Variants in BIRC6 observed in about 807,000 individuals in gnomAD.
The protein encoded by BIRC6 is baculoviral IAP repeat containing 6.
A neutral mutation model predicts 503.3 loss-of-function variants in BIRC6; 98 were observed. The observed-to-expected ratio is 0.19, with a 90% confidence interval of 0.17 to 0.23. BIRC6 has a LOEUF of 0.23. Ranked by LOEUF, BIRC6 falls within the 10% of genes least tolerant of loss-of-function variation. The pLI, the probability that BIRC6 is intolerant of heterozygous loss-of-function variation, is 1.00. For missense variants in BIRC6, 5,360 were observed against 5,806.0 expected, an observed-to-expected ratio of 0.92 and a Z score of 2.50; for synonymous variants, 2,240 against 2,078.7, an observed-to-expected ratio of 1.08 and a Z score of -2.11.
intron 10 of BIRC6, among the ~76,000 whole-genome samples, chr2:32,424,250 AAT>A (rs201393862): frequency 1.3e-5 from 2 of 151,438 alleles, no homozygotes; most frequent in African/African-American, 4.9e-5. Context: ...TATATATATG[AAT>A]ATATATATAT....
At chr2:32,380,738 AG>A (rs1402063240) in intron 3 of BIRC6, among the ~76,000 whole-genome samples, 1 of 152,138 alleles carries the variant, frequency 6.6e-6, no homozygotes, top group Non-Finnish European at 1.5e-5. Context: ...CCAAAAAAAA[AG>A]AAAAAAGTTG....
At position 32,473,255 on chromosome 2, in the gene BIRC6, T is replaced by G. The variant is rs1324514473; in HGVS notation, c.6720+16T>G. 3 of 1,501,568 alleles carry G rather than the reference T, an allele frequency of 2.0e-6. No homozygotes were observed. The Admixed American group carries it at 7.2e-5, about 36-fold the overall frequency. 93.0% of individuals were successfully genotyped at this position (1,501,568 alleles called of 1,614,324 possible). A position where few individuals can be genotyped will look rare whatever the true frequency, so the allele number is the denominator to read the frequency against. On this transcript the variant is annotated intron_variant, in intron 33 of 73. Coordinates refer to ENST00000421745, the MANE Select transcript of BIRC6 (RefSeq NM_016252.4). ...TCATAAACAGGTAATTGTCAATATA[T>G]TTAAAAATTTTTAATGTTTGAGAAT...
intron 1 of BIRC6, among the ~76,000 whole-genome samples, chr2:32,364,593 T>G (rs185402586): frequency 2.6e-5 from 4 of 152,224 alleles, no homozygotes; most frequent in Admixed American, 2.6e-4. Flanking sequence ...TTGTATCTTT[T>G]TTCTTTTCCT....
chr2:32,586,262 CAACTT>C (rs1559109319), intron 66 of BIRC6, among the ~76,000 whole-genome samples: 1 of 148,720 alleles, frequency 6.7e-6, no homozygotes, highest in Non-Finnish European at 1.5e-5. Context: ...AAAAAAAAAA[CAACTT>C]AAAAAAAAAT....
At chr2:32,413,680 T>C (rs1273777836) in intron 9 of BIRC6, among the ~76,000 whole-genome samples, 1 of 150,676 alleles carries the variant, frequency 6.6e-6, no homozygotes, top group Non-Finnish European at 1.5e-5. Flanking sequence ...AAGCTCATCT[T>C]AGATTTGATT....
chr2:32,450,704 C>T (rs149700416), intron 22 of BIRC6, among the ~76,000 whole-genome samples: 2 of 152,142 alleles, frequency 1.3e-5, no homozygotes, highest in Admixed American at 6.5e-5. Flanking sequence ...GAATTGGTTC[C>T]AGGACTCCTC....
chr2:32,552,438 A>G (rs114637937), intron 65 of BIRC6, among the ~76,000 whole-genome samples: 2,497 of 152,310 alleles, frequency 0.016, 52 homozygotes, highest in African/African-American at 0.058. Flanking sequence ...AGGATCAACA[A>G]TAATTGCACA....
intron 1 of BIRC6, among the ~76,000 whole-genome samples, chr2:32,373,982 T>C (rs1056614715): frequency 6.6e-6 from 1 of 152,198 alleles, no homozygotes; most frequent in African/African-American, 2.4e-5. Flanking sequence ...CTTCCATTCA[T>C]GTGAGATATT....
intron 9 of BIRC6, among the ~76,000 whole-genome samples, chr2:32,409,782 A>T (rs2041648678): frequency 6.6e-6 from 1 of 152,176 alleles, no homozygotes; most frequent in Non-Finnish European, 1.5e-5. Flanking sequence ...TTGTCTGAAG[A>T]ATATTATGCT....
Position 32,453,885 on chromosome 2 carries a change from C to G in BIRC6, c.4696C>G (p.Leu1566Val). The G allele has an allele frequency of 6.2e-7, 1 of 1,613,586 alleles. No homozygotes were observed. Among genetic ancestry groups the G allele is most frequent in the Non-Finnish European group, 8.5e-7 (1 of 1,179,604 alleles). The change falls in exon 23 of 74, where the codon CTG becomes GTG. Residue 1566 changes from leucine (L) to valine (V), a missense_variant. Physicochemically the swap from Leu to Val is conservative, Grantham distance 32. Around this residue, in one of 16 missense-constraint regions of BIRC6, gnomAD observed 2,299 missense variants for 2,267.2 expected, o/e 1.01. Coordinates refer to ENST00000421745, the MANE Select transcript of BIRC6 (RefSeq NM_016252.4). ...SLTGLLEVEP[L>V]HFTCVSTSDG... Reference sequence around the variant, plus strand: ...CACTGGACTTTTGGAAGTTGAACCTCTGCACTTTACTTGTGTGTCAACTAG... The same window carrying G: ...CACTGGACTTTTGGAAGTTGAACCTGTGCACTTTACTTGTGTGTCAACTAG...
At chr2:32,537,016 T>A (rs1178755590) in intron 61 of BIRC6, among the ~76,000 whole-genome samples, 1 of 152,304 alleles carries the variant, frequency 6.6e-6, no homozygotes, top group East Asian at 1.9e-4. Flanking sequence ...TTATTCTCTT[T>A]GAAGCAATTG....
Position 32,607,562 on chromosome 2 carries a change from A to T in BIRC6, c.14178A>T (p.Glu4726Asp). 6.2e-7 allele frequency: 1 copy of T among 1,613,964 alleles called. No homozygotes were observed. The highest frequency in any genetic ancestry group is 8.5e-7 in the Non-Finnish European group (1 of 1,179,828). ...CCAGTGGCACACAGAGTTCTCGAGA[A>T]TATGATGGAAACATTCGACAAGCAA... ...GTPSGTQSSR[E>D]YDGNIRQATV... Residue 4726 changes from glutamate (E) to aspartate (D), a missense_variant, in exon 72 of 74, where the codon GAA (glutamate) becomes GAT (aspartate). Around this residue, in one of 16 missense-constraint regions of BIRC6, gnomAD observed 40 missense variants for 53.4 expected, o/e 0.75. Transcript: ENST00000421745.
chr2:32,401,906 A>G (rs556362291), intron 8 of BIRC6, among the ~76,000 whole-genome samples: 1 of 152,300 alleles, frequency 6.6e-6, no homozygotes, highest in South Asian at 2.1e-4. Context: ...CAACATTGGA[A>G]AGTCTAAATA....
Position 32,441,312 on chromosome 2 carries a change from T to A in BIRC6, c.3811-17T>A. The A allele has an allele frequency of 7.0e-7, 1 of 1,434,684 alleles. No individual in the cohort carries two copies. Among genetic ancestry groups the A allele is most frequent in the Non-Finnish European group, 9.5e-7 (1 of 1,055,218 alleles). 88.9% of individuals were successfully genotyped at this position (1,434,684 alleles called of 1,614,324 possible). ...TTAGTTTATTTTTTAAAATTCATTATTATTTGTAATGTTTAGGAAAAATCA... is the reference window on the plus strand; with the variant it reads ...TTAGTTTATTTTTTAAAATTCATTAATATTTGTAATGTTTAGGAAAAATCA... On this transcript the variant is annotated splice_polypyrimidine_tract_variant and intron_variant, in intron 16 of 73. Coordinates refer to ENST00000421745, the MANE Select transcript of BIRC6 (RefSeq NM_016252.4).
chr2:32,380,649 C>G (rs967523924), intron 3 of BIRC6, among the ~76,000 whole-genome samples: 22 of 152,032 alleles, frequency 1.4e-4, no homozygotes, highest in South Asian at 2.1e-4. Flanking sequence ...TCACTTGAAC[C>G]CAGGAGGCGG....
At position 32,436,295 on chromosome 2, in the gene BIRC6, C is replaced by T. The variant is rs545731962; in HGVS notation, c.3631+111C>T. 1.4e-5 allele frequency: 14 copies of T among 1,006,920 alleles called. No homozygotes were observed. In the South Asian group the frequency reaches 3.1e-4, roughly 22 times the overall value. 62.4% of individuals were successfully genotyped at this position (1,006,920 alleles called of 1,614,324 possible). The stretch of plus-strand genomic sequence containing the variant: ...GATTGTTTTCTTTGGGACTTTCGTT[C>T]GAAATTTCATCAGTTTTCTGGTAGC... On this transcript the variant is annotated intron_variant, in intron 15 of 73. Coordinates refer to ENST00000421745, the MANE Select transcript of BIRC6 (RefSeq NM_016252.4).
At chr2:32,469,718 T>C in intron 30 of BIRC6, 104 bp downstream of exon 30, 1 of 1,039,846 alleles carries the variant, frequency 9.6e-7, no homozygotes, top group Admixed American at 2.3e-5. Flanking sequence ...AAGTTGTGAA[T>C]ATGAAGCAGA....
intron 71 of BIRC6, 113 bp downstream of exon 71, chr2:32,603,196 C>T: frequency 2.9e-6 from 2 of 681,758 alleles, no homozygotes; most frequent in Non-Finnish European, 4.7e-6. Context: ...AGATAGATTA[C>T]TAGGAAATGC....
chr2:32,464,181 T>A (rs868646507), intron 24 of BIRC6, among the ~76,000 whole-genome samples: 3 of 152,206 alleles, frequency 2.0e-5, no homozygotes, highest in Admixed American at 6.5e-5. Context: ...CAAATTGTAT[T>A]ACATTAGTCA....
Sources: gnomAD v4.1 joint callset for allele counts (sites outside exome capture counted in the v4.1 genomes callset) on GRCh38, gnomAD v4.1.1 for gene constraint, gnomAD v4.1.1 regional missense constraint, MANE v1.5 for transcripts, NCBI Gene and HGNC (gene_info 2026-07-23, HGNC 2026-07-21) for gene names.